The following HEATR5A variants were observed in gnomAD, a reference collection of about 807,000 sequenced individuals.
HEATR5A encodes the protein HEAT repeat containing 5A.
A neutral mutation model predicts 218.8 loss-of-function variants in HEATR5A; 178 were observed. The ratio of observed to expected loss-of-function variants is 0.81; its 90% CI spans 0.72 to 0.92. The LOEUF (loss-of-function observed/expected upper bound fraction) is 0.92, where lower values mean the gene tolerates loss of function less well. HEATR5A is among the 40% of genes least tolerant of loss of function. HEATR5A has a pLI of 0.00. For missense variants in HEATR5A, 2,420 were observed against 2,418.9 expected (o/e 1.00, Z -0.01); for synonymous variants, 864 against 871.6 (o/e 0.99, Z 0.15).
intron 6 of HEATR5A, among the ~76,000 whole-genome samples, chr14:31,389,816 T>C (rs978531400): frequency 6.6e-6 from 1 of 152,074 alleles, no homozygotes; most frequent in Non-Finnish European, 1.5e-5. Flanking sequence ...AACTTGGCAT[T>C]TGGGGAAGAA....
At chr14:31,309,226 T>A in intron 28 of HEATR5A, 44 bp from the exon 29 acceptor site, 1 of 1,589,554 alleles carries the variant, frequency 6.3e-7, no homozygotes, top group Non-Finnish European at 8.6e-7. Context: ...TAACTTCCAA[T>A]ATATTTTCTC....
At chr14:31,392,716 T>G (rs2030499429) in intron 6 of HEATR5A, among the ~76,000 whole-genome samples, 1 of 152,234 alleles carries the variant, frequency 6.6e-6, no homozygotes, top group African/African-American at 2.4e-5. Flanking sequence ...TGCTTGATCC[T>G]CCTCCCTGAC....
At chr14:31,416,443 A>G (rs555143570) in intron 1 of HEATR5A, among the ~76,000 whole-genome samples, 31 of 152,264 alleles carry the variant, frequency 2.0e-4, no homozygotes, top group African/African-American at 7.2e-4. Context: ...GATTGGCAAA[A>G]GTATATGTAC....
rs1362090952 is a variant in HEATR5A at position 31,323,574 on chromosome 14, CTCTT to C, written c.3774_3777del (p.Arg1259IlefsTer14). On this transcript the variant is annotated frameshift_variant, in exon 24 of 36. Transcript: ENST00000543095. LOFTEE classifies it high-confidence loss of function. ...TCACTATGTCACTTACTTCTTGAAT[CTCTT>C]TTTTTCATTTCTTGTGCTAAAGCAA... 6.3e-7 allele frequency: 1 copy of C among 1,597,584 alleles called. No homozygotes were observed. The highest frequency in any genetic ancestry group is 1.8e-5 in the Admixed American group (1 of 56,716).
chr14:31,417,277 T>G (rs2031482401), intron 1 of HEATR5A, among the ~76,000 whole-genome samples: 1 of 151,742 alleles, frequency 6.6e-6, no homozygotes, highest in Non-Finnish European at 1.5e-5. Context: ...AAGGCTAGAG[T>G]TGGCCGGGGC....
chr14:31,413,315 C>T (rs2031343845), intron 1 of HEATR5A, among the ~76,000 whole-genome samples: 1 of 151,104 alleles, frequency 6.6e-6, no homozygotes, highest in Non-Finnish European at 1.5e-5. Flanking sequence ...AATTTAACAC[C>T]GGGACAAGAA....
intron 11 of HEATR5A, 69 bp from the exon 12 acceptor site, chr14:31,375,037 A>G: frequency 1.6e-6 from 2 of 1,248,838 alleles, no homozygotes; most frequent in East Asian, 2.6e-5. Flanking sequence ...TCTATTATTA[A>G]GCAGCAACTT....
At chr14:31,394,618 A>C (rs1049517361) in intron 5 of HEATR5A, among the ~76,000 whole-genome samples, 1 of 152,080 alleles carries the variant, frequency 6.6e-6, no homozygotes, top group Admixed American at 6.6e-5. Context: ...GATAGAGACC[A>C]TCCTGGCTAA....
intron 11 of HEATR5A, among the ~76,000 whole-genome samples, chr14:31,376,519 A>T (rs1331099749): frequency 1.3e-5 from 2 of 152,102 alleles, no homozygotes; most frequent in Admixed American, 1.3e-4. Flanking sequence ...ATAAATAACA[A>T]TAATTATAAT....
At chr14:31,302,560 T>C in intron 32 of HEATR5A, 41 bp from the exon 33 acceptor site, 2 of 1,306,848 alleles carry the variant, frequency 1.5e-6, no homozygotes, top group East Asian at 2.5e-5. Context: ...GATTTCAACC[T>C]ATATATATGG....
At chr14:31,317,464 G>A (rs1899950399) in intron 26 of HEATR5A, among the ~76,000 whole-genome samples, 1 of 151,622 alleles carries the variant, frequency 6.6e-6, no homozygotes, top group Non-Finnish European at 1.5e-5. Flanking sequence ...CTGCCACCAC[G>A]CCTAGCTATT....
Position 31,305,250 on chromosome 14 carries a change from G to A in HEATR5A, c.4967-73C>T, listed in dbSNP as rs189484261. On this transcript the variant is annotated intron_variant, in intron 31 of 35. Transcript: ENST00000543095. ...GTAGATGGCAATTTAGTTAAATCCT[G>A]TTACAGGAAATACATGTATTTTATT... 90 of 1,465,844 alleles carry A rather than the reference G, an allele frequency of 6.1e-5. 1 individual carries two copies. The highest frequency in any genetic ancestry group is 5.2e-4 in the Middle Eastern group (3 of 5,760). 90.8% of individuals were successfully genotyped at this position (1,465,844 alleles called of 1,614,324 possible). A position where few individuals can be genotyped will look rare whatever the true frequency, so the allele number is the denominator to read the frequency against.
In HEATR5A at chr14:31,387,317, G is replaced by C. The variant is rs1186904081; in HGVS notation, c.992C>G (p.Ala331Gly). ...GGAWLEKNFA[A>G]FFSHILSLAS... ...AAGGCTTAGGATATGAGAAAAAAAG[G>C]CAGCAAAATTTTTCTCTAGCCAAGC... Residue 331 changes from alanine (A) to glycine (G), a missense_variant, in exon 8 of 36, where the codon GCC becomes GGC. Physicochemically the swap from Ala to Gly is moderately conservative, Grantham distance 60 (BLOSUM62 0). Coordinates refer to ENST00000543095, the MANE Select transcript of HEATR5A (RefSeq NM_015473.4). 3.7e-6 allele frequency: 6 copies of C among 1,613,700 alleles called. No individual in the cohort carries two copies. Among genetic ancestry groups the C allele is most frequent in the Non-Finnish European group, 5.1e-6 (6 of 1,179,762 alleles).
intron 16 of HEATR5A, among the ~76,000 whole-genome samples, chr14:31,352,628 G>A (rs1901272292): frequency 6.6e-6 from 1 of 152,078 alleles, no homozygotes; most frequent in Non-Finnish European, 1.5e-5. Context: ...ACATCATAAG[G>A]GTTGGGGAAA....
chr14:31,380,549 C>G lies in HEATR5A; in HGVS notation c.1626G>C (p.Leu542=), dbSNP rs764939987. ...GGCGACTGTTTTGAGCAGCAGAACACAGCAAATCCTCTGCTAATGTCATAA... is the reference window on the plus strand; with the variant it reads ...GGCGACTGTTTTGAGCAGCAGAACAGAGCAAATCCTCTGCTAATGTCATAA... ...KIIMTLAEDL[L]CSAAQNSRLS... is the part of the protein sequence containing the mutation. The change falls in exon 11 of 36, where the codon CTG becomes CTC. Residue 542 remains leucine, a synonymous_variant. Transcript: ENST00000543095. 1.2e-6 allele frequency: 2 copies of G among 1,603,884 alleles called. No homozygotes were observed. Among genetic ancestry groups the G allele is most frequent in the Admixed American group, 3.4e-5 (2 of 58,684 alleles).
At chr14:31,294,612 C>T (rs1456743558) in intron 34 of HEATR5A, among the ~76,000 whole-genome samples, 2 of 151,770 alleles carry the variant, frequency 1.3e-5, no homozygotes, top group Non-Finnish European at 2.9e-5. Context: ...GGTTTCACCT[C>T]GTTGGTCAGG....
At position 31,357,564 on chromosome 14, in the gene HEATR5A, T is replaced by C. The variant is rs576146616; in HGVS notation, c.2411+1073A>G. On this transcript the variant is annotated intron_variant, in intron 16 of 35. Coordinates refer to ENST00000543095, the MANE Select transcript of HEATR5A (RefSeq NM_015473.4). ...CAGATAGTAACAAGAATTTCCTGGA[T>C]AGTGGATTTTGATGCCTGAGAAATG... Among the ~76,000 whole-genome samples the C allele has an allele frequency of 2.6e-5, 4 of 152,314 alleles. No individual in the cohort carries two copies. In the South Asian group the frequency reaches 8.3e-4, roughly 32 times the overall value.
In HEATR5A at chr14:31,295,803, T is replaced by C. The variant is rs538457160; in HGVS notation, c.5619+106A>G. On this transcript the variant is annotated intron_variant, in intron 34 of 35. Transcript: ENST00000543095. ...AATCTTAAATCTAAAAATAAAAAAATTGTAGTCTAATACTTCCTATTGGAG... is the reference window on the plus strand; with the variant it reads ...AATCTTAAATCTAAAAATAAAAAAACTGTAGTCTAATACTTCCTATTGGAG... The C allele has an allele frequency of 3.4e-4, 274 of 816,988 alleles. 1 individual carries two copies. The African/African-American group carries it at 4.2e-3, about 12-fold the overall frequency. The allele number at this position is 816,988 out of a possible 1,614,324, so 50.6% of individuals were successfully genotyped here.
intron 25 of HEATR5A, chr14:31,320,616 A>G: frequency 1.4e-6 from 1 of 718,232 alleles, no homozygotes. Flanking sequence ...GAAATGAGTA[A>G]TACCCCGGTG....
Sources: gnomAD v4.1 joint callset for allele counts (sites outside exome capture counted in the v4.1 genomes callset) on GRCh38, gnomAD v4.1.1 for gene constraint, MANE v1.5 for transcripts, NCBI Gene and HGNC (gene_info 2026-07-23, HGNC 2026-07-21) for gene names.